SGMS1: variants seen among roughly 807,000 people sequenced by gnomAD.
The protein encoded by SGMS1 is phosphatidylcholine:ceramide cholinephosphotransferase 1.
A neutral mutation model predicts 46.2 loss-of-function variants in SGMS1; 13 were observed. That is an observed-to-expected ratio of 0.28 (90% confidence interval 0.18 to 0.45). The LOEUF (loss-of-function observed/expected upper bound fraction) is 0.45, where lower values mean the gene tolerates loss of function less well. Ranked by LOEUF, SGMS1 falls within the 20% of genes least tolerant of loss-of-function variation. SGMS1 has a pLI of 1.00. For synonymous variants in SGMS1, 203 were observed against 187.8 expected (o/e 1.08, Z -0.66); for missense variants, 324 against 519.9 (o/e 0.62, Z 3.66).
chr10:50,307,047 T>G lies in SGMS1; in HGVS notation c.*95A>C. 8.2e-7 allele frequency: 1 copy of G among 1,220,296 alleles called. No individual in the cohort carries two copies. 75.6% of individuals were successfully genotyped at this position (1,220,296 alleles called of 1,614,324 possible). ...TTAAGTCAAGGTAACCATTGAAAGA[T>G]AATAGGATTAGGGAGGTGTTTATTT... is the stretch of plus-strand genomic sequence containing the variant. On this transcript the variant is annotated 3_prime_UTR_variant, in exon 11 of 11. Transcript: ENST00000361781. This position sits in a 1 kb window ranked among gnomAD's most constrained non-coding sequence, Gnocchi z 4.2.
intron 7 of SGMS1, among the ~76,000 whole-genome samples, chr10:50,331,558 T>A (rs1847624111): frequency 6.6e-6 from 1 of 152,232 alleles, no homozygotes; most frequent in Admixed American, 6.5e-5. Flanking sequence ...CCCAGTTAGA[T>A]TTGCTTATTA....
chr10:50,380,624 C>T (rs560227118), intron 6 of SGMS1, among the ~76,000 whole-genome samples: 4 of 152,206 alleles, frequency 2.6e-5, no homozygotes, highest in Admixed American at 1.3e-4. Context: ...CTGCTGCCAG[C>T]GGAGTGCCAA....
intron 6 of SGMS1, among the ~76,000 whole-genome samples, chr10:50,355,194 A>T (rs2133394122): frequency 6.6e-6 from 1 of 152,368 alleles, no homozygotes; most frequent in Non-Finnish European, 1.5e-5. Flanking sequence ...GAACCAACCC[A>T]AATGTCCAAC....
rs147615942 is a variant in SGMS1 at position 50,616,235 on chromosome 10, C to T, written c.-684+7472G>A. On this transcript the variant is annotated intron_variant, in intron 1 of 10. Coordinates refer to ENST00000361781, the MANE Select transcript of SGMS1 (RefSeq NM_147156.4). Reference sequence around the variant, plus strand: ...GCTCGAACAAGCCTCCCACATCAGCCCCCCCGCCCCAAGTAGCTGGGACTA... The same window carrying T: ...GCTCGAACAAGCCTCCCACATCAGCTCCCCCGCCCCAAGTAGCTGGGACTA... Among the ~76,000 whole-genome samples, 722 of 152,170 alleles carry T rather than the reference C, an allele frequency of 4.7e-3. 3 individuals are homozygous for T. The highest frequency in any genetic ancestry group is 0.024 in the South Asian group (115 of 4,822).
chr10:50,585,844 T>C (rs1217313264), intron 2 of SGMS1, among the ~76,000 whole-genome samples: 1 of 152,228 alleles, frequency 6.6e-6, no homozygotes, highest in Non-Finnish European at 1.5e-5. Flanking sequence ...TAAATACGTG[T>C]TGGATGAATA....
At chr10:50,493,613 A>C (rs1837585037) in intron 3 of SGMS1, among the ~76,000 whole-genome samples, 1 of 152,186 alleles carries the variant, frequency 6.6e-6, no homozygotes, top group South Asian at 2.1e-4. Context: ...AACTTAAACA[A>C]ATTTACAAGA....
At chr10:50,437,755 GGTTTT>G (rs1480334071) in intron 5 of SGMS1, among the ~76,000 whole-genome samples, 1 of 152,306 alleles carries the variant, frequency 6.6e-6, no homozygotes, top group Admixed American at 6.5e-5. Flanking sequence ...AAAGTGACCT[GGTTTT>G]GTAATTCAGT....
At chr10:50,363,341 AAAG>A (rs1273480640) in intron 6 of SGMS1, among the ~76,000 whole-genome samples, 2 of 152,190 alleles carry the variant, frequency 1.3e-5, no homozygotes, top group Non-Finnish European at 2.9e-5. Context: ...AGCAAAGGGG[AAAG>A]AAGCATTCTG....
intron 2 of SGMS1, among the ~76,000 whole-genome samples, chr10:50,554,975 T>A (rs1190642492): frequency 6.6e-6 from 1 of 152,204 alleles, no homozygotes; most frequent in Non-Finnish European, 1.5e-5. Context: ...CTAGGCCAAC[T>A]CTTTCCATTT....
chr10:50,483,939 C>T (rs913603599), intron 3 of SGMS1, among the ~76,000 whole-genome samples: 1 of 152,066 alleles, frequency 6.6e-6, no homozygotes, highest in Non-Finnish European at 1.5e-5. Flanking sequence ...CATCAAAAAT[C>T]TAGAAAGATC....
Position 50,307,973 on chromosome 10 carries a change from GA to G in SGMS1, c.1062+8del. 6.2e-7 allele frequency: 1 copy of G among 1,613,142 alleles called. No homozygotes were observed. Among genetic ancestry groups the G allele is most frequent in the Middle Eastern group, 1.7e-4 (1 of 5,832 alleles). On this transcript the variant is annotated splice_region_variant and intron_variant, in intron 10 of 10. Coordinates refer to ENST00000361781, the MANE Select transcript of SGMS1 (RefSeq NM_147156.4). The surrounding 1 kb of genome is among the most constrained non-coding windows in gnomAD (Gnocchi z 4.2). ...AACAGAAGCTAAAATCAAAAGCGGG[GA>G]AACTCACTTGCTGATTGGCCATAGT...
At chr10:50,426,066 G>T (rs1279069353) in intron 6 of SGMS1, among the ~76,000 whole-genome samples, 1 of 152,198 alleles carries the variant, frequency 6.6e-6, no homozygotes, top group Non-Finnish European at 1.5e-5. Flanking sequence ...GGAGTGGTAT[G>T]TATTAAAAAT....
At chr10:50,605,464 G>A (rs1270781790) in intron 1 of SGMS1, among the ~76,000 whole-genome samples, 1 of 152,182 alleles carries the variant, frequency 6.6e-6, no homozygotes, top group Non-Finnish European at 1.5e-5. Flanking sequence ...CCCTCCTAAG[G>A]TACTGACAAG....
chr10:50,411,599 C>T (rs1849102235), intron 6 of SGMS1, among the ~76,000 whole-genome samples: 1 of 152,176 alleles, frequency 6.6e-6, no homozygotes, highest in African/African-American at 2.4e-5. Flanking sequence ...CAGAATGCAC[C>T]TAAAGTGGAT....
intron 8 of SGMS1, among the ~76,000 whole-genome samples, chr10:50,325,692 A>C (rs1423819775): frequency 3.3e-5 from 5 of 152,246 alleles, no homozygotes; most frequent in African/African-American, 9.6e-5. Context: ...GTTTAGAACC[A>C]GAGTAGGGAG....
intron 2 of SGMS1, among the ~76,000 whole-genome samples, chr10:50,548,829 CAG>C (rs1272518732): frequency 6.6e-6 from 1 of 151,886 alleles, no homozygotes; most frequent in Non-Finnish European, 1.5e-5. Context: ...GTCTAATATC[CAG>C]AGTCTACAAG....
chr10:50,481,133 T>C (rs979002934), intron 3 of SGMS1, among the ~76,000 whole-genome samples: 1 of 152,256 alleles, frequency 6.6e-6, no homozygotes, highest in African/African-American at 2.4e-5. Flanking sequence ...CCGAGCAGTC[T>C]GGACCAAGGG....
intron 3 of SGMS1, among the ~76,000 whole-genome samples, chr10:50,509,046 C>T (rs1304838672): frequency 6.6e-6 from 1 of 152,172 alleles, no homozygotes; most frequent in African/African-American, 2.4e-5. Flanking sequence ...GAGTTGACTA[C>T]TGAACAGCAT....
At chr10:50,569,154 G>T (rs968687589) in intron 2 of SGMS1, among the ~76,000 whole-genome samples, 2 of 151,938 alleles carry the variant, frequency 1.3e-5, no homozygotes, top group Admixed American at 1.3e-4. Flanking sequence ...GCCTGTCGGG[G>T]GGTGGGAGCC....
Sources: allele counts gnomAD v4.1 joint callset (sites outside exome capture counted in the v4.1 genomes callset), GRCh38; gene constraint gnomAD v4.1.1; non-coding constraint Gnocchi (gnomAD v3.1); transcripts MANE v1.5; gene names NCBI Gene and HGNC (gene_info 2026-07-23, HGNC 2026-07-21).